Variants in RCOR1 observed in about 807,000 individuals in gnomAD.
The protein encoded by RCOR1 is REST corepressor.
RCOR1 carries 12 observed loss-of-function variants against 64.0 expected under a neutral mutation model. The observed-to-expected ratio is 0.19, with a 90% confidence interval of 0.12 to 0.30. The LOEUF is 0.30. RCOR1 is among the 10% of genes least tolerant of loss of function. The pLI is 1.00. For missense variants in RCOR1, 502 were observed against 621.2 expected (o/e 0.81, Z 2.04); for synonymous variants, 279 against 227.2 (o/e 1.23, Z -2.05).
rs1294011411 is a variant in RCOR1, at chr14:102,729,863, C to T, written c.*3357C>T. 1.3e-5 allele frequency: 5 copies of T among 398,922 alleles called. No individual in the cohort carries two copies. The highest frequency in any genetic ancestry group is 1.8e-5 in the Non-Finnish European group (4 of 226,082). The allele number at this position is 398,922 out of a possible 1,614,324, so 24.7% of individuals were successfully genotyped here. A position where few individuals can be genotyped will look rare whatever the true frequency, so the allele number is the denominator to read the frequency against. ...CCAACTCCAACGAGGGCCTCTTTTT[C>T]TCTCTTGTCTAGCCTGTTTCTAAAC... On this transcript the variant is annotated 3_prime_UTR_variant, in exon 12 of 12. Transcript: ENST00000262241.
At chr14:102,712,054 C>G (rs990837363) in intron 7 of RCOR1, among the ~76,000 whole-genome samples, 1 of 151,950 alleles carries the variant, frequency 6.6e-6, no homozygotes, top group African/African-American at 2.4e-5. Context: ...CTGTGTCACC[C>G]AGGTTGGAAT....
At chr14:102,690,048 T>C (rs962321986) in intron 3 of RCOR1, among the ~76,000 whole-genome samples, 1 of 151,994 alleles carries the variant, frequency 6.6e-6, no homozygotes, top group African/African-American at 2.4e-5. Flanking sequence ...CGGCCTGATT[T>C]TTTTTTTAAG....
At chr14:102,708,615 C>G (rs1895902800) in intron 6 of RCOR1, 32 bp downstream of exon 6, 3 of 1,212,576 alleles carry the variant, frequency 2.5e-6, no homozygotes, top group Admixed American at 3.6e-5. Flanking sequence ...TGTCTAACCA[C>G]TTAGGGGACT....
chr14:102,597,628 CTTTTTTTTTTTTTTTT>C (rs57656879), intron 2 of RCOR1, among the ~76,000 whole-genome samples: 1 of 44,950 alleles, frequency 2.2e-5, no homozygotes, highest in Non-Finnish European at 3.8e-5. Flanking sequence ...TGCGCCCGAC[CTTTTTTTTTTTTTTTT>C]TTTTTTTTTT....
intron 2 of RCOR1, among the ~76,000 whole-genome samples, chr14:102,663,881 C>G (rs750001375): frequency 2.2e-4 from 33 of 152,144 alleles, no homozygotes; most frequent in Non-Finnish European, 2.6e-4. Flanking sequence ...TCTGGTTTCT[C>G]TTAGAGAAAA....
intron 11 of RCOR1, among the ~76,000 whole-genome samples, chr14:102,725,359 T>C (rs1298030293): frequency 6.6e-6 from 1 of 152,206 alleles, no homozygotes; most frequent in Non-Finnish European, 1.5e-5. Context: ...ATGCAGCCTT[T>C]AGGTTTGGGT....
At chr14:102,637,672 C>T (rs1321671330) in intron 2 of RCOR1, among the ~76,000 whole-genome samples, 1 of 152,058 alleles carries the variant, frequency 6.6e-6, no homozygotes, top group Non-Finnish European at 1.5e-5. Flanking sequence ...TAGTCTCGAA[C>T]TTAGGAGTTC....
rs756227292 is a variant in RCOR1, at chr14:102,592,980, G to T, written c.94G>T (p.Ala32Ser). 4 of 1,156,786 alleles carry T rather than the reference G, an allele frequency of 3.5e-6. No homozygotes were observed. Among genetic ancestry groups the T allele is most frequent in the South Asian group, 3.3e-5 (1 of 30,436 alleles). 71.7% of individuals were successfully genotyped at this position (1,156,786 alleles called of 1,614,324 possible). A position where few individuals can be genotyped will look rare whatever the true frequency, so the allele number is the denominator to read the frequency against. The stretch of plus-strand genomic sequence containing the variant: ...CTCCGCCTCCGCCGCCGCCGCCTCC[G>T]CCGCCGCCTCGGCCGCCTGCGCCTC... ...AASASAAAAS[A>S]AASAACASPA... is the part of the protein sequence containing the mutation. The change falls in exon 1 of 12, where the codon GCC becomes TCC. Residue 32 changes from alanine (A) to serine (S), a missense_variant. Ala to Ser is a moderately conservative substitution (Grantham distance 99). Coordinates refer to ENST00000262241, the MANE Select transcript of RCOR1 (RefSeq NM_015156.4).
At chr14:102,652,465 T>C (rs955644854) in intron 2 of RCOR1, among the ~76,000 whole-genome samples, 1 of 150,698 alleles carries the variant, frequency 6.6e-6, no homozygotes, top group African/African-American at 2.4e-5. Context: ...CTTTACCTAA[T>C]TCTGTGTCCT....
In RCOR1 at chr14:102,692,440, A is replaced by AACACACACACACACAC. The variant is rs10622844; in HGVS notation, c.446-8821_446-8806dup. On this transcript the variant is annotated intron_variant, in intron 3 of 11. Transcript: ENST00000262241. The stretch of plus-strand genomic sequence containing the variant: ...CTCTCAAGTAGTTCAGGAAAAAGTT[A>AACACACACACACACAC]ACACACACACACACACACACACACA... 1.6e-3 allele frequency among the ~76,000 whole-genome samples: 231 copies of AACACACACACACACAC among 146,344 alleles called. 1 individual carries two copies. Among genetic ancestry groups the AACACACACACACACAC allele is most frequent in the Non-Finnish European group, 2.3e-3 (151 of 66,284 alleles).
In RCOR1 at chr14:102,674,438, A is replaced by T. The variant is rs868781481; in HGVS notation, c.362-7457A>T. On this transcript the variant is annotated intron_variant, in intron 2 of 11. Transcript: ENST00000262241. ...AATAGTTTATACACATACTTAATGA[A>T]ACCATATGCTGATGTTTTCTGTTCT... 7.2e-5 allele frequency among the ~76,000 whole-genome samples: 11 copies of T among 152,354 alleles called. No homozygotes were observed. In the South Asian group the frequency reaches 2.3e-3, roughly 32 times the overall value.
At chr14:102,708,164 A>G (rs1895892245) in intron 5 of RCOR1, among the ~76,000 whole-genome samples, 1 of 151,918 alleles carries the variant, frequency 6.6e-6, no homozygotes, top group Admixed American at 6.6e-5. Flanking sequence ...ACAGGATTTC[A>G]CCATGTTGGC....
In RCOR1 at chr14:102,707,531, T is replaced by A; in HGVS notation, c.660+19T>A. The A allele has an allele frequency of 6.4e-7, 1 of 1,572,926 alleles. No individual in the cohort carries two copies. The highest frequency in any genetic ancestry group is 8.6e-7 in the Non-Finnish European group (1 of 1,163,432). ...ACAAATGGTAAGTAGATGAGACCAC[T>A]GAGTTCTATTTTTTTTCTCCTATCT... On this transcript the variant is annotated intron_variant, in intron 5 of 11. Coordinates refer to ENST00000262241, the MANE Select transcript of RCOR1 (RefSeq NM_015156.4).
intron 2 of RCOR1, among the ~76,000 whole-genome samples, chr14:102,654,710 T>C (rs958037736): frequency 7.0e-6 from 1 of 142,734 alleles, no homozygotes; most frequent in African/African-American, 2.6e-5. Flanking sequence ...TACAAGAAAA[T>C]AAAGAAAAAA....
chr14:102,685,731 G>A (rs1895404493), intron 3 of RCOR1, among the ~76,000 whole-genome samples: 1 of 152,134 alleles, frequency 6.6e-6, no homozygotes, highest in African/African-American at 2.4e-5. Flanking sequence ...AGAGGCTGAG[G>A]CGAGCTGATC....
chr14:102,692,083 A>G (rs188473397), intron 3 of RCOR1, among the ~76,000 whole-genome samples: 1 of 152,356 alleles, frequency 6.6e-6, no homozygotes, highest in South Asian at 2.1e-4. Context: ...TAGTGTGAGT[A>G]TAACACTGTT....
intron 8 of RCOR1, 71 bp downstream of exon 8, chr14:102,714,688 A>G (rs1896032322): frequency 3.3e-6 from 4 of 1,205,878 alleles, no homozygotes; most frequent in Non-Finnish European, 4.6e-6. Context: ...TTATTCATAT[A>G]TGTGAATGTT....
intron 3 of RCOR1, among the ~76,000 whole-genome samples, chr14:102,690,079 G>C (rs1008426442): frequency 6.6e-6 from 1 of 151,712 alleles, no homozygotes; most frequent in East Asian, 1.9e-4. Flanking sequence ...ACTATATAAG[G>C]AAAAAAATTG....
chr14:102,604,048 G>C (rs540445804), intron 2 of RCOR1, among the ~76,000 whole-genome samples: 8 of 152,252 alleles, frequency 5.3e-5, no homozygotes, highest in African/African-American at 1.9e-4. Flanking sequence ...ACTGGAGACT[G>C]TACTCAGAGA....
Sources: gnomAD v4.1 joint callset for allele counts (sites outside exome capture counted in the v4.1 genomes callset) on GRCh38, gnomAD v4.1.1 for gene constraint, MANE v1.5 for transcripts, NCBI Gene and HGNC (gene_info 2026-07-23, HGNC 2026-07-21) for gene names.